LRRC38: variants seen among roughly 807,000 people sequenced by gnomAD.
LRRC38 encodes the protein leucine-rich repeat-containing protein 38.
In LRRC38, 5 loss-of-function variants were observed where a neutral mutation model predicts 16.4. The observed-to-expected ratio is 0.31, with a 90% CI of 0.16 to 0.64. The LOEUF is 0.64. Ranked by LOEUF, LRRC38 falls within the 30% of genes least tolerant of loss-of-function variation. The pLI, the probability that LRRC38 is intolerant of heterozygous loss-of-function variation, is 0.80. For synonymous variants in LRRC38, 191 were observed against 190.2 expected (o/e 1.00, Z -0.04); for missense variants, 341 against 401.8 (o/e 0.85, Z 1.29).
chr1:13,477,892 A>G (rs1638807675), intron 1 of LRRC38, among the ~76,000 whole-genome samples: 1 of 152,216 alleles, frequency 6.6e-6, no homozygotes, highest in East Asian at 1.9e-4. Flanking sequence ...CTGAGTGAAC[A>G]TAGGAGAATT....
At chr1:13,478,928 A>C (rs145510522) in intron 1 of LRRC38, among the ~76,000 whole-genome samples, 3 of 152,212 alleles carry the variant, frequency 2.0e-5, no homozygotes, top group African/African-American at 7.2e-5. Context: ...CAGACTCTGC[A>C]TTCCCTCCTC....
At chr1:13,476,884 T>A (rs988225147) in intron 1 of LRRC38, among the ~76,000 whole-genome samples, 3 of 152,008 alleles carry the variant, frequency 2.0e-5, no homozygotes, top group Non-Finnish European at 4.4e-5. Context: ...AGGGTTAGCA[T>A]GGTCAGGAGT....
chr1:13,478,998 G>A (rs1638820524), intron 1 of LRRC38, among the ~76,000 whole-genome samples: 1 of 152,038 alleles, frequency 6.6e-6, no homozygotes, highest in Non-Finnish European at 1.5e-5. Context: ...AGCTCTGCAG[G>A]CCTCCCCAAT....
chr1:13,512,945 CTA>C lies in LRRC38; in HGVS notation c.631+16_631+17del. On this transcript the variant is annotated intron_variant, in intron 1 of 1. Coordinates refer to ENST00000376085, the MANE Select transcript of LRRC38 (RefSeq NM_001010847.2). ...TGCCCCCCTCCCTCCCTCCCCCAGC[CTA>C]GCCGGCTCGGCTCACCTTTGGGCAG... 11 of 1,531,704 alleles carry C rather than the reference CTA, an allele frequency of 7.2e-6. No individual in the cohort carries two copies. The highest frequency in any genetic ancestry group is 6.0e-5 in the South Asian group (5 of 82,902). The allele number at this position is 1,531,704 out of a possible 1,614,324, so 94.9% of individuals were successfully genotyped here. A position where few individuals can be genotyped will look rare whatever the true frequency, so the allele number is the denominator to read the frequency against.
rs1365425640 is a variant in LRRC38, at chr1:13,513,249, G to A, written c.345C>T (p.Asn115=). The A allele has an allele frequency of 6.4e-7, 1 of 1,550,512 alleles. No individual in the cohort carries two copies. The highest frequency in any genetic ancestry group is 1.4e-5 in the African/African-American group (1 of 73,170). The change falls in exon 1 of 2, where the codon AAC becomes AAT. Residue 115 remains asparagine (N), a synonymous_variant. Transcript: ENST00000376085. ...AGGCGCCGGCGCCCAGCTGGGTCAA[G>A]TTGTTGTAGCTGAGGTCGAGGAACA... ...KLVFLDLSYN[N]LTQLGAGAFR... is the part of the protein sequence containing the mutation.
chr1:13,507,027 C>T (rs528309986), intron 1 of LRRC38, among the ~76,000 whole-genome samples: 2 of 152,338 alleles, frequency 1.3e-5, no homozygotes, highest in African/African-American at 4.8e-5. Flanking sequence ...CAGCAAAAAG[C>T]GTTCCCTTTG....
chr1:13,502,136 T>TC (rs1253012786), intron 1 of LRRC38, among the ~76,000 whole-genome samples: 1 of 151,060 alleles, frequency 6.6e-6, no homozygotes, highest in African/African-American at 2.4e-5. Flanking sequence ...AGACGGGGTT[T>TC]CACCATGTTA....
intron 1 of LRRC38, among the ~76,000 whole-genome samples, chr1:13,477,342 C>T (rs1638801407): frequency 6.6e-6 from 1 of 152,192 alleles, no homozygotes; most frequent in African/African-American, 2.4e-5. Context: ...CCTTTGCCTT[C>T]ATTTAGCTTA....
chr1:13,497,052 G>A (rs573194839), intron 1 of LRRC38, among the ~76,000 whole-genome samples: 1 of 152,266 alleles, frequency 6.6e-6, no homozygotes, highest in Non-Finnish European at 1.5e-5. Flanking sequence ...AATCTGGGGT[G>A]CCCAGGCCAG....
intron 1 of LRRC38, among the ~76,000 whole-genome samples, chr1:13,482,388 G>A (rs1638880288): frequency 6.6e-6 from 1 of 151,962 alleles, no homozygotes; most frequent in African/African-American, 2.4e-5. Flanking sequence ...ACCACCCCAG[G>A]CAACATGGTG....
At chr1:13,479,599 G>C (rs868312368) in intron 1 of LRRC38, among the ~76,000 whole-genome samples, 7 of 152,162 alleles carry the variant, frequency 4.6e-5, no homozygotes, top group Admixed American at 2.6e-4. Flanking sequence ...AGAAGAAATG[G>C]GCTTGTTTGA....
intron 1 of LRRC38, among the ~76,000 whole-genome samples, chr1:13,477,410 AGGGTAGAAAGATAAAGAAAGTCT>A (rs1638802154): frequency 1.3e-5 from 2 of 152,218 alleles, no homozygotes; most frequent in South Asian, 4.1e-4. Context: ...ATGAAACGTC[AGGGTAGAAAGATAAAGAAAGTCT>A]GGGACAAAGA....
rs537044334 is a variant in LRRC38, at chr1:13,512,196, G to A, written c.631+767C>T. ...TGGGTGCTCATCCCTGTGGATGCTG[G>A]GGTCCCCTCCTTCTCAGCTCCACCC... On this transcript the variant is annotated intron_variant, in intron 1 of 1. Coordinates refer to ENST00000376085, the MANE Select transcript of LRRC38 (RefSeq NM_001010847.2). 3.3e-5 allele frequency among the ~76,000 whole-genome samples: 5 copies of A among 152,248 alleles called. No homozygotes were observed. In the South Asian group the frequency reaches 1.0e-3, roughly 32 times the overall value.
chr1:13,489,624 G>A (rs2924851), intron 1 of LRRC38, among the ~76,000 whole-genome samples: 38,619 of 151,974 alleles, frequency 0.25, 5,043 homozygotes, highest in East Asian at 0.35. Flanking sequence ...TGCTGCAGCC[G>A]CTTCAAGCCG....
In LRRC38 at chr1:13,513,620, C is replaced by G; in HGVS notation, c.-27G>C. 9.4e-7 allele frequency: 1 copy of G among 1,062,572 alleles called. No individual in the cohort carries two copies. Among genetic ancestry groups the G allele is most frequent in the Non-Finnish European group, 1.1e-6 (1 of 881,840 alleles). The allele number at this position is 1,062,572 out of a possible 1,614,324, so 65.8% of individuals were successfully genotyped here. On this transcript the variant is annotated 5_prime_UTR_variant, in exon 1 of 2. Transcript: ENST00000376085. ...GCCGGGGGGCCCGCGCCGGCCGCGG[C>G]GAGAAGGAAGCGGCTCTCGGAGCGA... is the stretch of plus-strand genomic sequence containing the variant.
rs1553134929 is a variant in LRRC38 at position 13,485,285 on chromosome 1, A to AAAAAAAACAAAAAAAAAC, written c.632-9187_632-9186insGTTTTTTTTTGTTTTTTT. On this transcript the variant is annotated intron_variant, in intron 1 of 1. Coordinates refer to ENST00000376085, the MANE Select transcript of LRRC38 (RefSeq NM_001010847.2). ...AGAGCAAAACCCCACCTTAAAAAAA[A>AAAAAAAACAAAAAAAAAC]AAAAAAAAACGGCCAGGCACAGTGG... Among the ~76,000 whole-genome samples, 585 of 149,214 alleles carry AAAAAAAACAAAAAAAAAC rather than the reference A, an allele frequency of 3.9e-3. 9 individuals carry two copies. The highest frequency in any genetic ancestry group is 0.014 in the African/African-American group (559 of 39,770).
intron 1 of LRRC38, among the ~76,000 whole-genome samples, chr1:13,493,902 A>G (rs1312909798): frequency 6.6e-6 from 1 of 152,134 alleles, no homozygotes; most frequent in African/African-American, 2.4e-5. Flanking sequence ...ATCTCTACTA[A>G]AAATACCAAA....
intron 1 of LRRC38, among the ~76,000 whole-genome samples, chr1:13,478,990 C>T (rs372317943): frequency 9.2e-5 from 14 of 152,190 alleles, no homozygotes; most frequent in African/African-American, 3.1e-4. Flanking sequence ...TGGACCAGAG[C>T]TCTGCAGGCC....
intron 1 of LRRC38, among the ~76,000 whole-genome samples, chr1:13,489,024 C>T (rs1638975829): frequency 6.6e-6 from 1 of 152,162 alleles, no homozygotes; most frequent in African/African-American, 2.4e-5. Flanking sequence ...ACCTCCCGGG[C>T]TGAGTGGGGC....
Sources: allele counts gnomAD v4.1 joint callset (sites outside exome capture counted in the v4.1 genomes callset), GRCh38; gene constraint gnomAD v4.1.1; transcripts MANE v1.5; gene names NCBI Gene and HGNC (gene_info 2026-07-23, HGNC 2026-07-21).